The following TPTE2 variants were observed in gnomAD, a reference collection of about 807,000 sequenced individuals.
The protein encoded by TPTE2 is phosphatidylinositol 3,4,5-trisphosphate 3-phosphatase TPTE2.
TPTE2 carries 53 observed loss-of-function variants against 78.6 expected under a neutral mutation model. The ratio of observed to expected loss-of-function variants is 0.67; its 90% CI spans 0.54 to 0.85. The LOEUF (loss-of-function observed/expected upper bound fraction) is 0.85, where lower values mean the gene tolerates loss of function less well. Ranked by LOEUF, TPTE2 falls within the 40% of genes least tolerant of loss-of-function variation. The pLI is 0.00. For synonymous variants in TPTE2, 175 were observed against 206.2 expected (o/e 0.85, Z 1.30); for missense variants, 461 against 623.0 (o/e 0.74, Z 2.77).
At chr13:19,493,614 A>G (rs755831157) in intron 1 of TPTE2, 113 bp from the exon 5 acceptor site, 1 of 924,864 alleles carries the variant, frequency 1.1e-6, no homozygotes, top group South Asian at 1.3e-5. Context: ...CTGACTATTC[A>G]TGTATACAGC....
intron 14 of TPTE2, among the ~76,000 whole-genome samples, chr13:19,437,382 ACTGAGAACTCTG>A (rs1257262472): frequency 1.3e-5 from 2 of 152,226 alleles, no homozygotes; most frequent in Non-Finnish European, 1.5e-5. Flanking sequence ...AAGAAAAATG[ACTGAGAACTCTG>A]CTTTAAGTGG....
intron 1 of TPTE2, among the ~76,000 whole-genome samples, chr13:19,514,854 A>T (rs989889189): frequency 6.4e-4 from 97 of 152,004 alleles, no homozygotes; most frequent in African/African-American, 2.3e-3. Flanking sequence ...TCATTTTTTT[A>T]AAGTTATATG....
intron 6 of TPTE2, among the ~76,000 whole-genome samples, chr13:19,469,925 G>A (rs1879501881): frequency 6.6e-6 from 1 of 152,148 alleles, no homozygotes; most frequent in South Asian, 2.1e-4. Flanking sequence ...TCTTTGTGGA[G>A]TCTTTAGTAT....
In TPTE2 at chr13:19,497,571, A is replaced by T. The variant is rs1286412638; in HGVS notation, c.12-4070T>A. Among the ~76,000 whole-genome samples, 39 of 77,128 alleles carry T rather than the reference A, an allele frequency of 5.1e-4. 2 individuals carry two copies. The highest frequency in any genetic ancestry group is 1.1e-3 in the African/African-American group (37 of 32,980). The allele number at this position is 77,128 out of a possible 152,430, so 50.6% of individuals were successfully genotyped here. On this transcript the variant is annotated intron_variant, in intron 1 of 19. Transcript: ENST00000400230. ...ACCTCACATGGCAGGGTATTCCAACAGACCTGCAGCTGAGGGTCCTGTCTG... is the reference window on the plus strand; with the variant it reads ...ACCTCACATGGCAGGGTATTCCAACTGACCTGCAGCTGAGGGTCCTGTCTG...
At chr13:19,458,234 T>C (rs1203381463) in intron 10 of TPTE2, among the ~76,000 whole-genome samples, 4 of 152,218 alleles carry the variant, frequency 2.6e-5, no homozygotes, top group Non-Finnish European at 5.9e-5. Flanking sequence ...CTTATTCATT[T>C]AACCACAAGC....
chr13:19,452,403 G>A (rs1331906552), intron 10 of TPTE2, among the ~76,000 whole-genome samples: 1 of 152,016 alleles, frequency 6.6e-6, no homozygotes, highest in East Asian at 1.9e-4. Flanking sequence ...TGAATAACAG[G>A]GGAAACGATT....
intron 1 of TPTE2, among the ~76,000 whole-genome samples, chr13:19,500,884 T>C (rs1269586658): frequency 4.8e-5 from 7 of 144,678 alleles, no homozygotes; most frequent in African/African-American, 7.9e-5. Context: ...GATGACATGA[T>C]TGTATATCTA....
At chr13:19,460,134 G>A (rs1172082661) in intron 10 of TPTE2, among the ~76,000 whole-genome samples, 1 of 152,222 alleles carries the variant, frequency 6.6e-6, no homozygotes, top group East Asian at 1.9e-4. Flanking sequence ...GTGTGTGCCT[G>A]AGCAGCTGAT....
chr13:19,475,419 T>A (rs950360251), intron 5 of TPTE2, among the ~76,000 whole-genome samples, 154 bp downstream of exon 8: 1 of 152,158 alleles, frequency 6.6e-6, no homozygotes, highest in African/African-American at 2.4e-5. Context: ...AGAGATGGGG[T>A]TTCACCATGT....
At position 19,435,791 on chromosome 13, in the gene TPTE2, C is replaced by CACACAT. The variant is rs750778227; in HGVS notation, c.1116+434_1116+435insATGTGT. On this transcript the variant is annotated intron_variant, in intron 15 of 19. Transcript: ENST00000400230. Reference sequence around the variant, plus strand: ...ACACACACACACACACACACACACACACCAGGAGTCATCCAAAAACAGTCT... The same window carrying CACACAT: ...ACACACACACACACACACACACACACACACATACCAGGAGTCATCCAAAAACAGTCT... Among the ~76,000 whole-genome samples the CACACAT allele has an allele frequency of 6.7e-3, 1,010 of 151,012 alleles. 3 individuals carry two copies. Among genetic ancestry groups the CACACAT allele is most frequent in the Non-Finnish European group, 0.01 (679 of 67,686 alleles).
chr13:19,478,365 C>A (rs955261212), intron 4 of TPTE2, among the ~76,000 whole-genome samples: 1 of 152,198 alleles, frequency 6.6e-6, no homozygotes, highest in Non-Finnish European at 1.5e-5. Flanking sequence ...TGAACAGACA[C>A]TTCTCAAAAG....
chr13:19,484,758 T>C (rs1444057675), intron 3 of TPTE2, among the ~76,000 whole-genome samples: 7 of 152,238 alleles, frequency 4.6e-5, no homozygotes, highest in African/African-American at 1.2e-4. Context: ...TTTTATGGTT[T>C]TTAACTTGAA....
intron 7 of TPTE2, among the ~76,000 whole-genome samples, chr13:19,466,884 C>T (rs963196506): frequency 5.3e-5 from 8 of 152,154 alleles, no homozygotes; most frequent in African/African-American, 1.7e-4. Context: ...TATACTTGAT[C>T]TTAGCCAAAA....
Position 19,437,710 on chromosome 13 carries a change from T to G in TPTE2, c.1035+382A>C, listed in dbSNP as rs571775574. On this transcript the variant is annotated intron_variant, in intron 14 of 19. Coordinates refer to ENST00000400230, the Ensembl canonical transcript of TPTE2. ...TCTGTGTAACATGACTTTACTCCCCTCACCTTAATCCTGCCCCATCAGGTC... is the reference window on the plus strand; with the variant it reads ...TCTGTGTAACATGACTTTACTCCCCGCACCTTAATCCTGCCCCATCAGGTC... Among the ~76,000 whole-genome samples the G allele has an allele frequency of 2.0e-5, 3 of 152,304 alleles. No homozygotes were observed. In the East Asian group the frequency reaches 5.8e-4, roughly 29 times the overall value.
At chr13:19,444,796 T>C (rs977836454) in intron 13 of TPTE2, among the ~76,000 whole-genome samples, 2 of 152,232 alleles carry the variant, frequency 1.3e-5, no homozygotes, top group South Asian at 2.1e-4. Context: ...AGTAAGATAG[T>C]TGTGCTATTG....
chr13:19,540,849 A>G (rs557463830), upstream of TPTE2, among the ~76,000 whole-genome samples: 64 of 152,326 alleles, frequency 4.2e-4, no homozygotes, highest in African/African-American at 1.5e-3. Flanking sequence ...TTTGTTTTCT[A>G]TGTAATCTAG....
chr13:19,560,804 C>T, the TPTE2 span: 1 of 1,495,450 alleles, frequency 6.7e-7, no homozygotes, highest in South Asian at 1.2e-5. Context: ...GCTTGTACTC[C>T]CGCCCACCCC....
intron 13 of TPTE2, among the ~76,000 whole-genome samples, chr13:19,439,176 A>T (rs1877322787): frequency 6.6e-6 from 1 of 152,232 alleles, no homozygotes; most frequent in East Asian, 1.9e-4. Flanking sequence ...GTACTCAGGA[A>T]ATCAGCCCTT....
chr13:19,538,759 C>T (rs973693739), upstream of TPTE2, among the ~76,000 whole-genome samples: 9 of 151,736 alleles, frequency 5.9e-5, no homozygotes, highest in East Asian at 7.8e-4. Flanking sequence ...TCAAGTGATC[C>T]GCCCACCTCG....
Sources: allele counts gnomAD v4.1 joint callset (sites outside exome capture counted in the v4.1 genomes callset), GRCh38; gene constraint gnomAD v4.1.1; transcripts MANE v1.5; gene names NCBI Gene and HGNC (gene_info 2026-07-23, HGNC 2026-07-21).